The following SORCS3 variants were observed in gnomAD, a reference collection of about 807,000 sequenced individuals.
SORCS3 encodes the protein sortilin related VPS10 domain containing receptor 3, also known as VPS10 domain-containing receptor SorCS3.
SORCS3 carries 57 observed loss-of-function variants against 146.3 expected under a neutral mutation model. The observed-to-expected ratio is 0.39, with a 90% CI of 0.31 to 0.49. The LOEUF is 0.49. SORCS3 is among the 20% of genes least tolerant of loss of function. SORCS3 has a pLI of 0.92. For missense variants in SORCS3, 1,341 were observed against 1,575.5 expected (o/e 0.85, Z 2.52); for synonymous variants, 653 against 618.5 (o/e 1.06, Z -0.83).
chr10:105,056,863 CTTTT>C (rs1054609875), intron 5 of SORCS3, among the ~76,000 whole-genome samples: 1 of 152,160 alleles, frequency 6.6e-6, no homozygotes, highest in Non-Finnish European at 1.5e-5. Context: ...TTCTTGCTCT[CTTTT>C]AAGTTTTGTA....
chr10:104,649,416 C>T (rs756515116), intron 1 of SORCS3, among the ~76,000 whole-genome samples: 15 of 152,146 alleles, frequency 9.9e-5, no homozygotes, highest in Non-Finnish European at 1.5e-4. Context: ...AAGTGCCTGA[C>T]CCATTTGTAG....
intron 8 of SORCS3, among the ~76,000 whole-genome samples, chr10:105,141,745 A>G (rs545087977): frequency 3.9e-5 from 6 of 152,312 alleles, no homozygotes; most frequent in African/African-American, 1.4e-4. Context: ...TCCAACAGGC[A>G]TGAAAAGCAC....
intron 1 of SORCS3, among the ~76,000 whole-genome samples, chr10:104,719,947 T>C (rs1194408197): frequency 6.6e-6 from 1 of 152,050 alleles, no homozygotes; most frequent in African/African-American, 2.4e-5. Context: ...AGAAAGCTAA[T>C]TAGAAAGCCA....
intron 3 of SORCS3, among the ~76,000 whole-genome samples, chr10:104,920,592 G>T (rs1426814472): frequency 6.6e-6 from 1 of 152,170 alleles, no homozygotes; most frequent in Non-Finnish European, 1.5e-5. Context: ...AGACTATATT[G>T]CTATAAATGG....
At chr10:105,241,069 T>A (rs1362913322) in intron 20 of SORCS3, among the ~76,000 whole-genome samples, 1 of 152,172 alleles carries the variant, frequency 6.6e-6, no homozygotes, top group Non-Finnish European at 1.5e-5. Flanking sequence ...TAAGCCACTA[T>A]GAACATTTAT....
intron 11 of SORCS3, 89 bp from the exon 12 acceptor site, chr10:105,164,214 C>G: frequency 1.1e-6 from 1 of 947,088 alleles, no homozygotes; most frequent in Non-Finnish European, 1.7e-6. Flanking sequence ...ACTTAGAAAA[C>G]CTTTACTCTC....
At chr10:104,842,604 G>C (rs10884052) in intron 1 of SORCS3, among the ~76,000 whole-genome samples, 188 bp from the exon 2 acceptor site, 52,384 of 152,080 alleles carry the variant, frequency 0.34, 10,867 homozygotes, top group East Asian at 0.72. Flanking sequence ...CAGTTACAGG[G>C]ATGCATTAAA....
chr10:105,015,673 G>T (rs778120766), intron 4 of SORCS3, among the ~76,000 whole-genome samples: 3 of 152,034 alleles, frequency 2.0e-5, no homozygotes, highest in Admixed American at 6.6e-5. Flanking sequence ...CTCACCTTTT[G>T]GGTTCAGGAA....
At chr10:104,799,915 A>G (rs1048686222) in intron 1 of SORCS3, among the ~76,000 whole-genome samples, 5 of 152,044 alleles carry the variant, frequency 3.3e-5, no homozygotes, top group Non-Finnish European at 1.5e-5. Context: ...TGACCTCGGG[A>G]TCTGCCCGCC....
intron 2 of SORCS3, among the ~76,000 whole-genome samples, chr10:104,867,336 G>A (rs2018470919): frequency 6.7e-6 from 1 of 148,724 alleles, no homozygotes; most frequent in African/African-American, 2.5e-5. Context: ...TTGAGACGAA[G>A]TCTCGCTCTG....
intron 2 of SORCS3, among the ~76,000 whole-genome samples, chr10:104,895,726 C>A (rs1320119044): frequency 6.6e-6 from 1 of 152,202 alleles, no homozygotes; most frequent in African/African-American, 2.4e-5. Context: ...GAATGTCTGT[C>A]TCCATGCCTG....
intron 1 of SORCS3, among the ~76,000 whole-genome samples, chr10:104,794,072 G>A (rs1359552539): frequency 6.6e-6 from 1 of 152,194 alleles, no homozygotes; most frequent in East Asian, 1.9e-4. Context: ...AGTTTTCATG[G>A]CAGAGGAAAG....
intron 9 of SORCS3, among the ~76,000 whole-genome samples, chr10:105,148,574 G>A (rs1009841667): frequency 2.6e-5 from 4 of 152,046 alleles, no homozygotes; most frequent in Non-Finnish European, 4.4e-5. Context: ...CAATGAAGGT[G>A]TGTCTCATTA....
chr10:104,831,053 T>C (rs1053143627), intron 1 of SORCS3, among the ~76,000 whole-genome samples: 1 of 152,078 alleles, frequency 6.6e-6, no homozygotes, highest in Non-Finnish European at 1.5e-5. Flanking sequence ...CGTGAACTCC[T>C]AGGCTCAAAT....
At chr10:105,028,715 G>A (rs1042823120) in intron 4 of SORCS3, among the ~76,000 whole-genome samples, 6 of 152,164 alleles carry the variant, frequency 3.9e-5, no homozygotes, top group Non-Finnish European at 8.8e-5. Context: ...GATTAACTGG[G>A]ATGATGCAAC....
intron 3 of SORCS3, among the ~76,000 whole-genome samples, chr10:104,974,141 G>A (rs1170146207): frequency 6.6e-6 from 1 of 152,174 alleles, no homozygotes; most frequent in Non-Finnish European, 1.5e-5. Flanking sequence ...TGGAATAGGT[G>A]TGGTGTGGTG....
chr10:104,856,994 G>T (rs2018342532), intron 2 of SORCS3, among the ~76,000 whole-genome samples: 1 of 150,202 alleles, frequency 6.7e-6, no homozygotes, highest in African/African-American at 2.5e-5. Context: ...GAGAGAGAGA[G>T]AGATTAATTC....
At chr10:104,799,306 A>G (rs1374143958) in intron 1 of SORCS3, among the ~76,000 whole-genome samples, 2 of 152,246 alleles carry the variant, frequency 1.3e-5, no homozygotes, top group African/African-American at 4.8e-5. Context: ...AATGTCCATC[A>G]ATGATAGACT....
intron 7 of SORCS3, among the ~76,000 whole-genome samples, chr10:105,109,226 T>C (rs2055842929): frequency 2.0e-5 from 3 of 152,176 alleles, no homozygotes; most frequent in African/African-American, 7.2e-5. Context: ...TTTTGAATAA[T>C]TATTTTCTAA....
Sources: gnomAD v4.1 joint callset for allele counts (sites outside exome capture counted in the v4.1 genomes callset) on GRCh38, gnomAD v4.1.1 for gene constraint, MANE v1.5 for transcripts, NCBI Gene and HGNC (gene_info 2026-07-23, HGNC 2026-07-21) for gene names.